CARMIL2: variants seen among roughly 807,000 people sequenced by gnomAD.
The protein encoded by CARMIL2 is capping protein, Arp2/3 and myosin-I linker protein 2.
In CARMIL2, 96 loss-of-function variants were observed where a neutral mutation model predicts 173.3. The observed-to-expected ratio is 0.55, with a 90% CI of 0.47 to 0.66. The LOEUF (loss-of-function observed/expected upper bound fraction) is 0.66. Among genes scored for constraint, CARMIL2 ranks in the 30% least tolerant of loss-of-function variants. CARMIL2 has a pLI of 0.00. For missense variants in CARMIL2, 1,771 were observed against 1,906.7 expected, an observed-to-expected ratio of 0.93 and a Z score of 1.33; for synonymous variants, 830 against 817.1, an observed-to-expected ratio of 1.02 and a Z score of -0.27.
In CARMIL2 at chr16:67,651,448, G is replaced by C; in HGVS notation, c.2361G>C (p.Trp787Cys). 6.3e-7 allele frequency: 1 copy of C among 1,597,492 alleles called. No homozygotes were observed. ...YEAGSSPSHH[W>C]QLGQKLEGLL... Reference sequence around the variant, plus strand: ...CTGGAAGCTCCCCAAGCCATCACTGGCAGCTTGGGCAGAAGCTGGAGGGCC... The same window carrying C: ...CTGGAAGCTCCCCAAGCCATCACTGCCAGCTTGGGCAGAAGCTGGAGGGCC... Residue 787 changes from tryptophan (W) to cysteine (C), a missense_variant, in exon 24 of 38, where the codon TGG becomes TGC. This residue lies in a region of CARMIL2 where 817 missense variants were observed against 903.5 expected (regional missense o/e 0.90). Transcript: ENST00000334583. The surrounding 1 kb of genome is among the most constrained non-coding windows in gnomAD (Gnocchi z 4.2).
intron 3 of CARMIL2, 98 bp from the exon 4 acceptor site, chr16:67,645,920 C>T (rs1401217935): frequency 6.4e-7 from 1 of 1,561,700 alleles, no homozygotes; most frequent in African/African-American, 1.4e-5. Context: ...GGAGGGGAGT[C>T]CAGGCAGATC....
At chr16:67,655,196 T>A (rs1380667448) in intron 32 of CARMIL2, among the ~76,000 whole-genome samples, 1 of 152,180 alleles carries the variant, frequency 6.6e-6, no homozygotes, top group Non-Finnish European at 1.5e-5. Context: ...TTTGGGAGGC[T>A]GAGGCAGGTG....
Position 67,651,511 on chromosome 16 carries a change from C to A in CARMIL2, c.2424C>A (p.Ile808=), listed in dbSNP as rs138313198. ...RQVGEVCRQD[I]QDFTQATLDT... ...TGGGCGAGGTCTGCCGCCAGGACAT[C>A]CAGGTGAGAGGGTACTCCTGCCCCA... Residue 808 remains isoleucine (I), a synonymous_variant, in exon 24 of 38, where the codon ATC becomes ATA. Transcript: ENST00000334583. This position sits in a 1 kb window ranked among gnomAD's most constrained non-coding sequence, Gnocchi z 4.2. 1 of 1,585,450 alleles carries A rather than the reference C, an allele frequency of 6.3e-7. No individual in the cohort carries two copies. Among genetic ancestry groups the A allele is most frequent in the Non-Finnish European group, 8.6e-7 (1 of 1,165,586 alleles).
In CARMIL2 at chr16:67,650,063, C is replaced by T. The variant is rs1466810279; in HGVS notation, c.2097C>T (p.Leu699=). 6.2e-7 allele frequency: 1 copy of T among 1,613,876 alleles called. No homozygotes were observed. The highest frequency in any genetic ancestry group is 1.7e-5 in the Admixed American group (1 of 60,006). Residue 699 remains leucine (L), a synonymous_variant, in exon 22 of 38, where the codon CTC becomes CTT. Transcript: ENST00000334583. The stretch of plus-strand genomic sequence containing the variant: ...CTTGCCCCTAGATCCAAGCCTGTCT[C>T]TTGAGGAACAACCGCGCAGACCCTG... ...ARAVHQIQAC[L]LRNNRADPAS...
rs1416536013 is a variant in CARMIL2 at position 67,649,798 on chromosome 16, CG to C, written c.1920-6del. 1 of 1,607,860 alleles carries C rather than the reference CG, an allele frequency of 6.2e-7. No individual in the cohort carries two copies. The highest frequency in any genetic ancestry group is 1.3e-5 in the African/African-American group (1 of 74,838). On this transcript the variant is annotated splice_polypyrimidine_tract_variant and splice_region_variant and intron_variant, in intron 20 of 37. Transcript: ENST00000334583. The surrounding 1 kb of genome is among the most constrained non-coding windows in gnomAD (Gnocchi z 6.7). ...CTCCGTCCCCGACTGAAGCCAGGCC[CG>C]GCCCAGGTCTGTGGTCTGGGACCGG... is the stretch of plus-strand genomic sequence containing the variant.
In CARMIL2 at chr16:67,651,333, T is replaced by TG; in HGVS notation, c.2313+19dup. 2 of 1,612,354 alleles carry TG rather than the reference T, an allele frequency of 1.2e-6. No homozygotes were observed. The highest frequency in any genetic ancestry group is 1.7e-6 in the Non-Finnish European group (2 of 1,178,846). On this transcript the variant is annotated intron_variant, in intron 23 of 37. Transcript: ENST00000334583. The surrounding 1 kb of genome is among the most constrained non-coding windows in gnomAD (Gnocchi z 4.2). ...CTCTCAGCGTGAGCACTCCCCCTCC[T>TG]GCTACAAGGACCCTTCCCCTCTTAG...
At chr16:67,650,867 C>A (rs2142931026) in intron 22 of CARMIL2, 1 of 292,726 alleles carries the variant, frequency 3.4e-6, no homozygotes. Context: ...CTGGTCCCTC[C>A]TCCAGGGCTA....
rs2052650724 is a variant in CARMIL2, at chr16:67,648,701, C to T, written c.1456C>T (p.Leu486Phe). The T allele has an allele frequency of 6.2e-7, 1 of 1,606,762 alleles. No individual in the cohort carries two copies. Among genetic ancestry groups the T allele is most frequent in the Non-Finnish European group, 8.5e-7 (1 of 1,176,970 alleles). ...PDALRALLDG[L>F]ALNTHLRDLH... is the part of the protein sequence containing the mutation. ...CTCTCCCAGAGCCCTTTTGGATGGC[C>T]TCGCGCTCAACACGCACCTCCGCGA... Residue 486 changes from leucine (L) to phenylalanine (F), a missense_variant, in exon 16 of 38, where the codon CTC becomes TTC. By Grantham distance (22) the Leu-to-Phe change is conservative. Around this residue, in one of 3 missense-constraint regions of CARMIL2, gnomAD observed 944 missense variants for 975.6 expected, o/e 0.97. Coordinates refer to ENST00000334583, the MANE Select transcript of CARMIL2 (RefSeq NM_001013838.3). The surrounding 1 kb of genome is among the most constrained non-coding windows in gnomAD (Gnocchi z 6.1).
At chr16:67,656,926 G>T in intron 36 of CARMIL2, 45 bp downstream of exon 36, 2 of 1,447,972 alleles carry the variant, frequency 1.4e-6, no homozygotes, top group Non-Finnish European at 9.4e-7. Flanking sequence ...AGGAGATGTG[G>T]GAGGGTGGGC....
At position 67,647,269 on chromosome 16, in the gene CARMIL2, G is replaced by A. The variant is rs781550019; in HGVS notation, c.688-30G>A. 23 of 1,610,418 alleles carry A rather than the reference G, an allele frequency of 1.4e-5. No individual in the cohort carries two copies. The South Asian group carries it at 2.0e-4, about 14-fold the overall frequency. ...GCAGCCCGCTGAGGGCCAGGGTGCA[G>A]CCCGTGAGCCGCCGCCCTCTGCTTC... On this transcript the variant is annotated intron_variant, in intron 9 of 37. Transcript: ENST00000334583.
Position 67,657,433 on chromosome 16 carries a change from C to T in CARMIL2, c.4223C>T (p.Pro1408Leu). ...TCTGGCCTTGGAACCGAGCCTCTGC[C>T]CCCACAGCCCACAGAGCCCTCCAGC... ...LGSGLGTEPL[P>L]PQPTEPSSPE... Residue 1408 changes from proline (P) to leucine (L), a missense_variant, in exon 38 of 38, where the codon CCC (proline) becomes CTC (leucine). By Grantham distance (98) the Pro-to-Leu change is moderately conservative (BLOSUM62 -3). Coordinates refer to ENST00000334583, the MANE Select transcript of CARMIL2 (RefSeq NM_001013838.3). This position sits in a 1 kb window ranked among gnomAD's most constrained non-coding sequence, Gnocchi z 4.5. 2 of 1,609,538 alleles carry T rather than the reference C, an allele frequency of 1.2e-6. No individual in the cohort carries two copies. Among genetic ancestry groups the T allele is most frequent in the Non-Finnish European group, 1.7e-6 (2 of 1,178,030 alleles).
Position 67,646,074 on chromosome 16 carries a change from C to G in CARMIL2, c.243C>G (p.Pro81=), listed in dbSNP as rs751283531. 4 of 1,613,800 alleles carry G rather than the reference C, an allele frequency of 2.5e-6. No individual in the cohort carries two copies. ...AGGCCATGGCGCTGCAGGAGACACCCCCTCAGGTGAGACACCTAGTACCCT... is the reference window on the plus strand; with the variant it reads ...AGGCCATGGCGCTGCAGGAGACACCGCCTCAGGTGAGACACCTAGTACCCT... ...EVQAMALQET[P]PQVTFELESL... The change falls in exon 4 of 38, where the codon CCC becomes CCG. Residue 81 remains proline, a synonymous_variant. Transcript: ENST00000334583. The surrounding 1 kb of genome is among the most constrained non-coding windows in gnomAD (Gnocchi z 4.6).
chr16:67,646,605 C>G lies in CARMIL2; in HGVS notation c.466+88C>G. The G allele has an allele frequency of 6.4e-7, 1 of 1,567,740 alleles. No homozygotes were observed. Among genetic ancestry groups the G allele is most frequent in the East Asian group, 2.2e-5 (1 of 44,554 alleles). ...CAAGCTGGGGGGGCCCCAAACTGAACAGAGCCATTCAGGTCCCAGCCACCA... is the reference window on the plus strand; with the variant it reads ...CAAGCTGGGGGGGCCCCAAACTGAAGAGAGCCATTCAGGTCCCAGCCACCA... On this transcript the variant is annotated intron_variant, in intron 6 of 37. Transcript: ENST00000334583. This position sits in a 1 kb window ranked among gnomAD's most constrained non-coding sequence, Gnocchi z 4.6.
intron 11 of CARMIL2, 26 bp downstream of exon 11, chr16:67,647,628 G>C: frequency 6.2e-7 from 1 of 1,603,878 alleles, no homozygotes; most frequent in Non-Finnish European, 8.5e-7. Flanking sequence ...GGGACCGCAG[G>C]GGTGGGCAGC....
chr16:67,651,119 A>C lies in CARMIL2; in HGVS notation c.2185-68A>C. On this transcript the variant is annotated intron_variant, in intron 22 of 37. Transcript: ENST00000334583. The surrounding 1 kb of genome is among the most constrained non-coding windows in gnomAD (Gnocchi z 4.2). ...ACCTCCCTCTGTTAAAGAGCCTGGG[A>C]GGAAGGCAGGCAGGATCTGGGAGAC... 1 of 1,554,140 alleles carries C rather than the reference A, an allele frequency of 6.4e-7. No homozygotes were observed. The highest frequency in any genetic ancestry group is 2.3e-5 in the East Asian group (1 of 42,566).
Position 67,651,798 on chromosome 16 carries a change from G to A in CARMIL2, c.2541G>A (p.Pro847=), listed in dbSNP as rs774957513. 28 of 1,610,512 alleles carry A rather than the reference G, an allele frequency of 1.7e-5. No homozygotes were observed. In the Middle Eastern group the frequency reaches 8.3e-4, roughly 48 times the overall value. Residue 847 remains proline, a synonymous_variant, in exon 25 of 38, where the codon CCG becomes CCA. Coordinates refer to ENST00000334583, the MANE Select transcript of CARMIL2 (RefSeq NM_001013838.3). This position sits in a 1 kb window ranked among gnomAD's most constrained non-coding sequence, Gnocchi z 4.2. ...EGVLAGSRGL[P]ELLPEQLLQD... is the part of the protein sequence containing the mutation. The stretch of plus-strand genomic sequence containing the variant: ...TCCTGGCAGGCTCGAGGGGCCTCCC[G>A]GAGCTGCTCCCAGAGCAGCTGCTGC...
Position 67,646,788 on chromosome 16 carries a change from A to C in CARMIL2, c.537+4A>C. 6.2e-7 allele frequency: 1 copy of C among 1,613,696 alleles called. No homozygotes were observed. The highest frequency in any genetic ancestry group is 1.1e-5 in the South Asian group (1 of 91,070). On this transcript the variant is annotated splice_donor_region_variant and intron_variant, in intron 7 of 37. Transcript: ENST00000334583. The surrounding 1 kb of genome is among the most constrained non-coding windows in gnomAD (Gnocchi z 4.6). The stretch of plus-strand genomic sequence containing the variant: ...TTTCCGAGAGGAGATTCAGTGGGTG[A>C]GGGTAGGGCCCTTTTGAAGGGCTCT...
Position 67,649,747 on chromosome 16 carries a change from C to T in CARMIL2, c.1920-59C>T. The T allele has an allele frequency of 1.3e-6, 2 of 1,584,966 alleles. No individual in the cohort carries two copies. Among genetic ancestry groups the T allele is most frequent in the Non-Finnish European group, 1.7e-6 (2 of 1,164,318 alleles). ...GGCTGACGAGGCGAATGGACTAGGCCGAGGGTTGGGTGGGGCGTTGGGAAG... is the reference window on the plus strand; with the variant it reads ...GGCTGACGAGGCGAATGGACTAGGCTGAGGGTTGGGTGGGGCGTTGGGAAG... On this transcript the variant is annotated intron_variant, in intron 20 of 37. Transcript: ENST00000334583. This position sits in a 1 kb window ranked among gnomAD's most constrained non-coding sequence, Gnocchi z 6.7.
At chr16:67,654,958 A>C in intron 32 of CARMIL2, 58 bp downstream of exon 32, 2 of 1,600,888 alleles carry the variant, frequency 1.2e-6, no homozygotes, top group Non-Finnish European at 1.7e-6. Context: ...TGTGGGTGAC[A>C]TAAGTGACCA....
Sources: gnomAD v4.1 joint callset for allele counts (sites outside exome capture counted in the v4.1 genomes callset) on GRCh38, gnomAD v4.1.1 for gene constraint, gnomAD v4.1.1 regional missense constraint, Gnocchi (gnomAD v3.1) non-coding constraint, MANE v1.5 for transcripts, NCBI Gene and HGNC (gene_info 2026-07-23, HGNC 2026-07-21) for gene names.